Variants in DLC1 observed in about 807,000 individuals in gnomAD.
DLC1 encodes rho GTPase-activating protein 7.
Under a neutral mutation model 140.3 loss-of-function variants are expected in DLC1, and 54 were observed. That is an observed-to-expected ratio of 0.38 (90% CI 0.31 to 0.48). The LOEUF (loss-of-function observed/expected upper bound fraction) is 0.48. Ranked by LOEUF, DLC1 falls within the 20% of genes least tolerant of loss-of-function variation. The pLI, the probability that DLC1 is intolerant of heterozygous loss-of-function variation, is 0.96. For missense variants in DLC1, 2,536 were observed against 1,907.0 expected, an observed-to-expected ratio of 1.33 and a Z score of -6.14; for synonymous variants, 986 against 728.1, an observed-to-expected ratio of 1.35 and a Z score of -5.70.
chr8:13,412,378 A>T (rs1438397028), intron 2 of DLC1, among the ~76,000 whole-genome samples: 1 of 152,186 alleles, frequency 6.6e-6, no homozygotes, highest in Non-Finnish European at 1.5e-5. Flanking sequence ...ACATTCTTCA[A>T]CCTGGTAATT....
intron 1 of DLC1, chr8:13,567,963 G>T (rs1479847022): frequency 6.6e-7 from 1 of 1,518,952 alleles, no homozygotes; most frequent in South Asian, 1.3e-5. Context: ...GTGGATAGAT[G>T]TCTTTGTTGT....
intron 5 of DLC1, among the ~76,000 whole-genome samples, chr8:13,267,591 A>G (rs537845806): frequency 3.9e-5 from 6 of 152,338 alleles, no homozygotes; most frequent in African/African-American, 1.4e-4. Flanking sequence ...TCTAGACACC[A>G]TAAAATGTAC....
intron 4 of DLC1, among the ~76,000 whole-genome samples, chr8:13,323,179 T>C (rs538840466): frequency 1.3e-5 from 2 of 152,224 alleles, no homozygotes; most frequent in Non-Finnish European, 2.9e-5. Context: ...TATACGTTCA[T>C]GATGGTTTCA....
chr8:13,130,522 G>A (rs1318098961), intron 5 of DLC1, among the ~76,000 whole-genome samples: 1 of 152,142 alleles, frequency 6.6e-6, no homozygotes, highest in Non-Finnish European at 1.5e-5. Flanking sequence ...GCAAACAAGG[G>A]CTTTAGGTTG....
At chr8:13,593,052 G>A (rs1288219873) in intron 1 of DLC1, among the ~76,000 whole-genome samples, 1 of 152,030 alleles carries the variant, frequency 6.6e-6, no homozygotes, top group Non-Finnish European at 1.5e-5. Context: ...AGATATTACA[G>A]TCTGAAGTAG....
chr8:13,098,585 AAG>A lies in DLC1; in HGVS notation c.2991-12_2991-11del. 2.5e-6 allele frequency: 4 copies of A among 1,610,732 alleles called. No individual in the cohort carries two copies. Among genetic ancestry groups the A allele is most frequent in the Non-Finnish European group, 3.4e-6 (4 of 1,178,634 alleles). On this transcript the variant is annotated splice_polypyrimidine_tract_variant and intron_variant, in intron 9 of 17. Coordinates refer to ENST00000276297, the MANE Select transcript of DLC1 (RefSeq NM_182643.3). The stretch of plus-strand genomic sequence containing the variant: ...CCATCTCAGTCGGTGCCTGCGAGAG[AAG>A]AGGAGAGGAAAATGAGTGTGAAGCC...
At chr8:13,456,305 T>C (rs1799387774) in intron 2 of DLC1, among the ~76,000 whole-genome samples, 1 of 152,162 alleles carries the variant, frequency 6.6e-6, no homozygotes. Flanking sequence ...CATCACAGAG[T>C]GTTGGATACC....
In DLC1 at chr8:13,222,542, G is replaced by A. The variant is rs141804581; in HGVS notation, c.1348+82727C>T. Reference sequence around the variant, plus strand: ...TCTCTGTCAGAAGTTCTCACATTCTGTTTGCTAAAATTTCAAAACTGTCTC... The same window carrying A: ...TCTCTGTCAGAAGTTCTCACATTCTATTTGCTAAAATTTCAAAACTGTCTC... On this transcript the variant is annotated intron_variant, in intron 5 of 17. Coordinates refer to ENST00000276297, the MANE Select transcript of DLC1 (RefSeq NM_182643.3). 2.9e-3 allele frequency among the ~76,000 whole-genome samples: 447 copies of A among 152,204 alleles called. 3 individuals are homozygous for A. Among genetic ancestry groups the A allele is most frequent in the African/African-American group, 9.2e-3 (383 of 41,520 alleles).
chr8:13,284,317 A>G (rs1286297330), intron 5 of DLC1, among the ~76,000 whole-genome samples: 1 of 152,172 alleles, frequency 6.6e-6, no homozygotes, highest in Non-Finnish European at 1.5e-5. Context: ...ACCTAACGTC[A>G]GGAGTTCGAG....
chr8:13,216,527 C>T (rs1218028007), intron 5 of DLC1, among the ~76,000 whole-genome samples: 2 of 152,146 alleles, frequency 1.3e-5, no homozygotes, highest in African/African-American at 2.4e-5. Flanking sequence ...GCCCATTTTA[C>T]CCCATCCCTC....
chr8:13,584,367 T>C (rs1805228697), intron 1 of DLC1: 1 of 153,110 alleles, frequency 6.5e-6, no homozygotes, highest in African/African-American at 2.4e-5. Context: ...CAGGGTGAAA[T>C]AGTACTGGAT....
chr8:13,434,917 C>T lies in DLC1; in HGVS notation c.1024-33298G>A, dbSNP rs192433585. 7.8e-4 allele frequency among the ~76,000 whole-genome samples: 118 copies of T among 152,086 alleles called. 1 individual carries two copies. Among genetic ancestry groups the T allele is most frequent in the African/African-American group, 2.6e-3 (109 of 41,526 alleles). ...TTGGTCTTGAACTCCTGAGCTCAAG[C>T]GATCCACCCGCCTTGGCCTCCCAAA... is the stretch of plus-strand genomic sequence containing the variant. On this transcript the variant is annotated intron_variant, in intron 2 of 17. Transcript: ENST00000276297.
At chr8:13,459,855 T>G (rs1799578609) in intron 2 of DLC1, among the ~76,000 whole-genome samples, 1 of 152,350 alleles carries the variant, frequency 6.6e-6, no homozygotes, top group East Asian at 1.9e-4. Flanking sequence ...AAAAGGTTTC[T>G]GTGCACAACT....
intron 5 of DLC1, among the ~76,000 whole-genome samples, chr8:13,209,944 A>G (rs1023109193): frequency 6.6e-6 from 1 of 152,146 alleles, no homozygotes; most frequent in Non-Finnish European, 1.5e-5. Context: ...ACAGCCTAAC[A>G]CACCCTGTAA....
chr8:13,093,325 G>A (rs987253898), intron 12 of DLC1, among the ~76,000 whole-genome samples: 1 of 152,058 alleles, frequency 6.6e-6, no homozygotes, highest in Admixed American at 6.5e-5. Context: ...TAACTGATTT[G>A]TTCCTTCTTG....
At chr8:13,163,545 G>C (rs1318880491) in intron 5 of DLC1, among the ~76,000 whole-genome samples, 1 of 152,116 alleles carries the variant, frequency 6.6e-6, no homozygotes, top group Admixed American at 6.5e-5. Flanking sequence ...TTTTGTGTGT[G>C]GGGTGGGATG....
At chr8:13,100,862 A>C in intron 8 of DLC1, 92 bp from the exon 9 acceptor site, 1 of 1,248,090 alleles carries the variant, frequency 8.0e-7, no homozygotes. Flanking sequence ...ATATGCCAGT[A>C]GTATCAATTT....
chr8:13,169,478 C>G (rs910178794), intron 5 of DLC1, among the ~76,000 whole-genome samples: 6 of 152,236 alleles, frequency 3.9e-5, no homozygotes, highest in African/African-American at 1.4e-4. Context: ...TATTGCCTGG[C>G]TTAAAGTAGA....
rs538493576 is a variant in DLC1 at position 13,249,187 on chromosome 8, C to T, written c.1348+56082G>A. ...TGCCTCCTGGGTTCAAGCGGTTCTC[C>T]TGCCTCAGCCTCCTGAGTAGCTGGG... On this transcript the variant is annotated intron_variant, in intron 5 of 17. Coordinates refer to ENST00000276297, the MANE Select transcript of DLC1 (RefSeq NM_182643.3). 1.3e-4 allele frequency among the ~76,000 whole-genome samples: 20 copies of T among 152,294 alleles called. 1 individual carries two copies. In the South Asian group the frequency reaches 3.5e-3, roughly 27 times the overall value.
Sources: gnomAD v4.1 joint callset for allele counts (sites outside exome capture counted in the v4.1 genomes callset) on GRCh38, gnomAD v4.1.1 for gene constraint, MANE v1.5 for transcripts, NCBI Gene and HGNC (gene_info 2026-07-23, HGNC 2026-07-21) for gene names.